NPY1R: variants seen among roughly 807,000 people sequenced by gnomAD.
NPY1R encodes neuropeptide Y receptor Y1, also known as neuropeptide Y receptor type 1.
Under a neutral mutation model 24.1 loss-of-function variants are expected in NPY1R, and 10 were observed. The ratio of observed to expected loss-of-function variants is 0.42; its 90% CI spans 0.26 to 0.71. The LOEUF (loss-of-function observed/expected upper bound fraction) is 0.71, where lower values mean the gene tolerates loss of function less well. NPY1R is among the 30% of genes least tolerant of loss of function. The pLI is 0.28. For synonymous variants in NPY1R, 168 were observed against 165.9 expected, an observed-to-expected ratio of 1.01 and a Z score of -0.10; for missense variants, 350 against 458.0, an observed-to-expected ratio of 0.76 and a Z score of 2.15.
upstream of NPY1R, chr4:163,333,143 A>C (rs776802172): frequency 3.9e-5 from 6 of 152,198 alleles, no homozygotes; most frequent in Non-Finnish European, 7.3e-5. Context: ...CAAAGCAGTC[A>C]ATCGGCCCTC....
upstream of NPY1R, among the ~76,000 whole-genome samples, chr4:163,334,730 C>T (rs976827377): frequency 2.6e-5 from 4 of 151,740 alleles, no homozygotes; most frequent in Admixed American, 6.6e-5. Flanking sequence ...TGTGGTGGTG[C>T]GCATCTGTAA....
rs1421021635 is a variant in NPY1R at position 163,324,234 on chromosome 4, T to G, written c.*1069A>C. 2 of 152,624 alleles carry G rather than the reference T, an allele frequency of 1.3e-5. No individual in the cohort carries two copies. Among genetic ancestry groups the G allele is most frequent in the Non-Finnish European group, 2.9e-5 (2 of 68,014 alleles). The allele number at this position is 152,624 out of a possible 1,614,324, so 9.5% of individuals were successfully genotyped here. ...ACAAGTTAAAATGGGCTATATGAAG[T>G]ATCTGCAGTTTTTGTGTATTTTTCC... On this transcript the variant is annotated 3_prime_UTR_variant, in exon 3 of 3. Transcript: ENST00000296533.
chr4:163,325,317 TATC>T lies in NPY1R; in HGVS notation c.1138_1140del (p.Asp380del). 6.2e-7 allele frequency: 1 copy of T among 1,606,644 alleles called. No individual in the cohort carries two copies. Among genetic ancestry groups the T allele is most frequent in the Non-Finnish European group, 8.5e-7 (1 of 1,176,984 alleles). On this transcript the variant is annotated inframe_deletion, in exon 3 of 3. Transcript: ENST00000296533. ...TATAAGTAGTTTCAGATTTTTTCAT[TATC>T]ATCATTGTTGTTGATTTTTTTAAAT...
At position 163,324,608 on chromosome 4, in the gene NPY1R, TTC is replaced by T. The variant is rs1734562171; in HGVS notation, c.*693_*694del. 1 of 152,182 alleles carries T rather than the reference TTC, an allele frequency of 6.6e-6. No homozygotes were observed. The highest frequency in any genetic ancestry group is 1.5e-5 in the Non-Finnish European group (1 of 68,016). 9.4% of individuals were successfully genotyped at this position (152,182 alleles called of 1,614,324 possible). On this transcript the variant is annotated 3_prime_UTR_variant, in exon 3 of 3. Coordinates refer to ENST00000296533, the MANE Select transcript of NPY1R (RefSeq NM_000909.6). ...ATGGTTTTGAAGTTAGGGAGCTGCT[TTC>T]TCTCTTCATTCCTGTGGGTGCCCCA...
chr4:163,332,112 G>C (rs1206925134), intron 1 of NPY1R, among the ~76,000 whole-genome samples: 3 of 152,258 alleles, frequency 2.0e-5, no homozygotes, highest in Non-Finnish European at 4.4e-5. Context: ...GACACGTAAG[G>C]AAAATGAGCG....
Position 163,325,068 on chromosome 4 carries a change from C to T in NPY1R, c.*235G>A, listed in dbSNP as rs1734572063. 3 of 473,480 alleles carry T rather than the reference C, an allele frequency of 6.3e-6. No individual in the cohort carries two copies. The highest frequency in any genetic ancestry group is 7.4e-6 in the Non-Finnish European group (2 of 268,764). 29.3% of individuals were successfully genotyped at this position (473,480 alleles called of 1,614,324 possible). A position where few individuals can be genotyped will look rare whatever the true frequency, so the allele number is the denominator to read the frequency against. On this transcript the variant is annotated 3_prime_UTR_variant, in exon 3 of 3. Coordinates refer to ENST00000296533, the MANE Select transcript of NPY1R (RefSeq NM_000909.6). ...ATTATATGCATAAATTCACAAAAAG[C>T]ACTTCAAAGATGTCTGGTCAAAACT...
rs529261292 is a variant in NPY1R, at chr4:163,329,362, C to T, written c.-151-2657G>A. 7.6e-4 allele frequency among the ~76,000 whole-genome samples: 115 copies of T among 152,130 alleles called. 2 individuals carry two copies. The South Asian group carries it at 0.023, about 30-fold the overall frequency. On this transcript the variant is annotated intron_variant, in intron 1 of 2. Coordinates refer to ENST00000296533, the MANE Select transcript of NPY1R (RefSeq NM_000909.6). ...GCTCACACCTGTAATCCCAGCATTT[C>T]GGGAGGCCGAGGCGGATCACCTGAA...
At position 163,326,520 on chromosome 4, in the gene NPY1R, T is replaced by A. The variant is rs757715243; in HGVS notation, c.35A>T (p.His12Leu). The A allele has an allele frequency of 6.2e-7, 1 of 1,606,102 alleles. No homozygotes were observed. Among genetic ancestry groups the A allele is most frequent in the South Asian group, 1.1e-5 (1 of 89,344 alleles). ...CTCTGAGAAATTAGAGTGGACTGAATGATTTTCAACCTGGGAAAATAATGT... is the reference window on the plus strand; with the variant it reads ...CTCTGAGAAATTAGAGTGGACTGAAAGATTTTCAACCTGGGAAAATAATGT... Reference protein sequence around the residue: ...NSTLFSQVENHSVHSNFSEKN... With the variant: ...NSTLFSQVENLSVHSNFSEKN... Residue 12 changes from histidine (H) to leucine (L), a missense_variant, in exon 2 of 3, where the codon CAT (histidine) becomes CTT (leucine). Physicochemically the swap from His to Leu is moderately conservative, Grantham distance 99. Coordinates refer to ENST00000296533, the MANE Select transcript of NPY1R (RefSeq NM_000909.6).
rs539984848 is a variant in NPY1R, at chr4:163,327,875, A to C, written c.-151-1170T>G. On this transcript the variant is annotated intron_variant, in intron 1 of 2. Coordinates refer to ENST00000296533, the MANE Select transcript of NPY1R (RefSeq NM_000909.6). ...ATTACTAAGTAAATATGTGAGACGGAGTTTCTTATGTTAATTAACAGGCCA... is the reference window on the plus strand; with the variant it reads ...ATTACTAAGTAAATATGTGAGACGGCGTTTCTTATGTTAATTAACAGGCCA... Among the ~76,000 whole-genome samples, 34 of 152,292 alleles carry C rather than the reference A, an allele frequency of 2.2e-4. No homozygotes were observed. The South Asian group carries it at 6.8e-3, about 31-fold the overall frequency.
chr4:163,334,595 C>G (rs539746594), upstream of NPY1R, among the ~76,000 whole-genome samples: 818 of 152,294 alleles, frequency 5.4e-3, 6 homozygotes, highest in African/African-American at 0.018. Flanking sequence ...GGGGCGGTGG[C>G]TCACGCCTGT....
chr4:163,332,940 C>A (rs772886056), upstream of NPY1R: 6 of 152,152 alleles, frequency 3.9e-5, no homozygotes, highest in Non-Finnish European at 8.8e-5. Context: ...CGAAGTCATA[C>A]CCGGCTGGAG....
chr4:163,327,550 T>C (rs1161281398), intron 1 of NPY1R, among the ~76,000 whole-genome samples: 3 of 152,154 alleles, frequency 2.0e-5, no homozygotes, highest in Non-Finnish European at 4.4e-5. Flanking sequence ...TGAAAAACCA[T>C]TTCAGAGAGT....
intron 1 of NPY1R, among the ~76,000 whole-genome samples, chr4:163,332,183 G>A (rs74885400): frequency 0.021 from 3,237 of 152,322 alleles, 99 homozygotes; most frequent in African/African-American, 0.075. Flanking sequence ...AGAGAACCGG[G>A]GTAAAGGAAA....
chr4:163,335,333 C>G (rs1734817878), upstream of NPY1R, among the ~76,000 whole-genome samples: 1 of 152,156 alleles, frequency 6.6e-6, no homozygotes, highest in African/African-American at 2.4e-5. Flanking sequence ...GGGATAGGAT[C>G]TACTCATTAA....
intron 1 of NPY1R, among the ~76,000 whole-genome samples, chr4:163,331,664 T>A (rs1247179154): frequency 6.6e-6 from 1 of 151,988 alleles, no homozygotes; most frequent in Non-Finnish European, 1.5e-5. Flanking sequence ...CATTCTTATC[T>A]CTCCAGTCTA....
At chr4:163,336,335 A>G (rs1263602456), upstream of NPY1R, among the ~76,000 whole-genome samples, 1 of 152,180 alleles carries the variant, frequency 6.6e-6, no homozygotes, top group Admixed American at 6.5e-5. Flanking sequence ...CAAAACCATA[A>G]CATTATGTTT....
chr4:163,325,869 A>G lies in NPY1R; in HGVS notation c.686T>C (p.Ile229Thr). Residue 229 changes from isoleucine (I) to threonine (T), a missense_variant, in exon 2 of 3, where the codon ATT (isoleucine) becomes ACT (threonine). Ile to Thr is a moderately conservative substitution (Grantham distance 89). Coordinates refer to ENST00000296533, the MANE Select transcript of NPY1R (RefSeq NM_000909.6). The stretch of plus-strand genomic sequence containing the variant: ...AAGTTTTCTTACCTTGAAGTAGCAA[A>G]TAAATATAAAACAAAGTGGACCAAA... ...QYFGPLCFIF[I>T]CYFKIYIRLK... is the part of the protein sequence containing the mutation. 6.2e-7 allele frequency: 1 copy of G among 1,613,406 alleles called. No individual in the cohort carries two copies. Among genetic ancestry groups the G allele is most frequent in the Non-Finnish European group, 8.5e-7 (1 of 1,179,606 alleles).
intron 1 of NPY1R, among the ~76,000 whole-genome samples, chr4:163,327,300 C>A (rs1734628856): frequency 6.6e-6 from 1 of 152,082 alleles, no homozygotes; most frequent in African/African-American, 2.4e-5. Flanking sequence ...AATGTTTAAT[C>A]CGGAAAATAC....
upstream of NPY1R, among the ~76,000 whole-genome samples, chr4:163,337,970 T>C (rs1262641506): frequency 6.6e-6 from 1 of 152,204 alleles, no homozygotes; most frequent in Non-Finnish European, 1.5e-5. Context: ...TCAGACTTGC[T>C]TGTATTTGTT....
Sources: gnomAD v4.1 joint callset for allele counts (sites outside exome capture counted in the v4.1 genomes callset) on GRCh38, gnomAD v4.1.1 for gene constraint, MANE v1.5 for transcripts, NCBI Gene and HGNC (gene_info 2026-07-23, HGNC 2026-07-21) for gene names.